The following TSPAN18 variants were observed in gnomAD, a reference collection of about 807,000 sequenced individuals.
TSPAN18 encodes the protein tetraspanin-18.
Under a neutral mutation model 27.3 loss-of-function variants are expected in TSPAN18, and 14 were observed. That is an observed-to-expected ratio of 0.51 (90% CI 0.34 to 0.80). The LOEUF (loss-of-function observed/expected upper bound fraction) is 0.80, where lower values mean the gene tolerates loss of function less well. Ranked by LOEUF, TSPAN18 falls within the 30% of genes least tolerant of loss-of-function variation. The pLI, the probability that TSPAN18 is intolerant of heterozygous loss-of-function variation, is 0.01. For missense variants in TSPAN18, 268 were observed against 323.9 expected (o/e 0.83, Z 1.32); for synonymous variants, 143 against 136.5 (o/e 1.05, Z -0.33).
chr11:44,842,648 A>G (rs963963005), intron 2 of TSPAN18, among the ~76,000 whole-genome samples: 5 of 152,202 alleles, frequency 3.3e-5, no homozygotes, highest in Non-Finnish European at 5.9e-5. Flanking sequence ...CTTGAATTCC[A>G]GCATTAGAAC....
chr11:44,825,784 G>A (rs560979441), intron 2 of TSPAN18, among the ~76,000 whole-genome samples: 1 of 152,202 alleles, frequency 6.6e-6, no homozygotes, highest in African/African-American at 2.4e-5. Flanking sequence ...ATCCTCAGAC[G>A]TCCCCAGTTC....
Position 44,868,226 on chromosome 11 carries a change from T to C in TSPAN18, c.-11+7757T>C, listed in dbSNP as rs145176878. 5.7e-3 allele frequency among the ~76,000 whole-genome samples: 868 copies of C among 152,314 alleles called. 12 individuals are homozygous for C. The highest frequency in any genetic ancestry group is 0.017 in the African/African-American group (725 of 41,574). ...CAGGTGGCCATCTGCCGTCACTCTC[T>C]GTCTGAGTGCCTTGGAAGCCTTCAG... On this transcript the variant is annotated intron_variant, in intron 3 of 9. Coordinates refer to ENST00000520358, the MANE Select transcript of TSPAN18 (RefSeq NM_130783.5).
chr11:44,761,155 C>T (rs937936127), intron 1 of TSPAN18, among the ~76,000 whole-genome samples: 16 of 152,278 alleles, frequency 1.1e-4, no homozygotes, highest in African/African-American at 3.4e-4. Flanking sequence ...CCCAAACATT[C>T]GGGAGAACTG....
intron 2 of TSPAN18, among the ~76,000 whole-genome samples, chr11:44,856,902 C>G (rs1048554405): frequency 3.4e-4 from 51 of 150,700 alleles, no homozygotes; most frequent in African/African-American, 1.1e-3. Context: ...ATCAGTGACT[C>G]AAACAAAACT....
intron 2 of TSPAN18, among the ~76,000 whole-genome samples, chr11:44,784,243 G>A (rs1193871800): frequency 6.6e-6 from 1 of 152,120 alleles, no homozygotes; most frequent in African/African-American, 2.4e-5. Flanking sequence ...GAATGGAGAG[G>A]GACCGAACAG....
chr11:44,893,966 C>T (rs1298451491), intron 3 of TSPAN18, among the ~76,000 whole-genome samples: 2 of 152,162 alleles, frequency 1.3e-5, no homozygotes, highest in African/African-American at 4.8e-5. Flanking sequence ...GCCATTAACA[C>T]TTCTCTCCAA....
At chr11:44,867,389 C>CTT (rs71038824) in intron 3 of TSPAN18, among the ~76,000 whole-genome samples, 1,699 of 60,416 alleles carry the variant, frequency 0.028, 428 homozygotes, top group Middle Eastern at 0.11. Flanking sequence ...GTTTATGAAT[C>CTT]TTTTTTTTTT....
chr11:44,881,170 T>C (rs1334441479), intron 3 of TSPAN18, among the ~76,000 whole-genome samples: 3 of 152,232 alleles, frequency 2.0e-5, no homozygotes, highest in East Asian at 3.8e-4. Context: ...AATAATAGCA[T>C]GACCACCCAG....
At chr11:44,747,802 G>C (rs1015514078) in intron 1 of TSPAN18, among the ~76,000 whole-genome samples, 5 of 152,010 alleles carry the variant, frequency 3.3e-5, no homozygotes, top group Admixed American at 3.3e-4. Flanking sequence ...CACACTCAAA[G>C]TGCAGGTGGA....
chr11:44,889,437 C>T (rs748654410), intron 3 of TSPAN18, among the ~76,000 whole-genome samples: 2 of 152,234 alleles, frequency 1.3e-5, no homozygotes, highest in Admixed American at 6.5e-5. Flanking sequence ...GGCCACCTCA[C>T]ACCCCAGCCC....
intron 3 of TSPAN18, among the ~76,000 whole-genome samples, chr11:44,887,926 C>T (rs1359037396): frequency 6.6e-6 from 1 of 152,148 alleles, no homozygotes; most frequent in African/African-American, 2.4e-5. Context: ...CCAGGTTGTC[C>T]CAGCAACAGC....
intron 2 of TSPAN18, among the ~76,000 whole-genome samples, chr11:44,857,150 G>T (rs992695698): frequency 3.3e-5 from 5 of 152,194 alleles, no homozygotes; most frequent in African/African-American, 1.2e-4. Context: ...TTAGGTAAAG[G>T]AATCTGCTGA....
chr11:44,815,789 G>A (rs1428589772), intron 2 of TSPAN18, among the ~76,000 whole-genome samples: 1 of 152,120 alleles, frequency 6.6e-6, no homozygotes, highest in Non-Finnish European at 1.5e-5. Context: ...GGAGGAGCGG[G>A]CAGTTGAGAG....
At chr11:44,788,928 G>T (rs1443691167) in intron 2 of TSPAN18, among the ~76,000 whole-genome samples, 2 of 152,196 alleles carry the variant, frequency 1.3e-5, no homozygotes, top group Non-Finnish European at 2.9e-5. Flanking sequence ...AAGAATCCAC[G>T]CATGCAGCTG....
chr11:44,843,272 G>A (rs1590564823), intron 2 of TSPAN18, among the ~76,000 whole-genome samples: 1 of 152,152 alleles, frequency 6.6e-6, no homozygotes, highest in South Asian at 2.1e-4. Context: ...TGGGCATCCG[G>A]GGGAGACATC....
chr11:44,926,177 C>A lies in TSPAN18; in HGVS notation c.616-497C>A, dbSNP rs769828973. Among the ~76,000 whole-genome samples the A allele has an allele frequency of 4.5e-4, 69 of 152,230 alleles. No homozygotes were observed. In the Middle Eastern group the frequency reaches 0.01, roughly 23 times the overall value. ...CGAAAACCAAAACACCTTCTGCAGCCAGGCAGGTCACGAGGAACAGTAGAG... is the reference window on the plus strand; with the variant it reads ...CGAAAACCAAAACACCTTCTGCAGCAAGGCAGGTCACGAGGAACAGTAGAG... On this transcript the variant is annotated intron_variant, in intron 8 of 9. Coordinates refer to ENST00000520358, the MANE Select transcript of TSPAN18 (RefSeq NM_130783.5).
intron 3 of TSPAN18, among the ~76,000 whole-genome samples, chr11:44,861,962 G>T (rs1456847612): frequency 6.6e-6 from 1 of 152,024 alleles, no homozygotes; most frequent in Non-Finnish European, 1.5e-5. Flanking sequence ...CCACCCCAGC[G>T]CCTGGCTGCC....
At chr11:44,897,615 C>T (rs1859109498) in intron 3 of TSPAN18, 21 of 458,986 alleles carry the variant, frequency 4.6e-5, no homozygotes, top group South Asian at 3.5e-4. Flanking sequence ...TTCATGAGCT[C>T]TAATGGGCCC....
intron 2 of TSPAN18, among the ~76,000 whole-genome samples, chr11:44,842,200 A>G (rs938285425): frequency 2.6e-5 from 4 of 152,208 alleles, no homozygotes; most frequent in Admixed American, 6.5e-5. Flanking sequence ...GAACCATGCC[A>G]GCAAGCAGGC....
Sources: allele counts gnomAD v4.1 joint callset (sites outside exome capture counted in the v4.1 genomes callset), GRCh38; gene constraint gnomAD v4.1.1; transcripts MANE v1.5; gene names NCBI Gene and HGNC (gene_info 2026-07-23, HGNC 2026-07-21).